PPP2R2C: variants seen among roughly 807,000 people sequenced by gnomAD.
PPP2R2C encodes protein phosphatase 2 regulatory subunit Bgamma, also known as protein phosphatase 2, regulatory subunit B, gamma.
In PPP2R2C, 10 loss-of-function variants were observed where a neutral mutation model predicts 45.3. The observed-to-expected ratio is 0.22, with a 90% confidence interval of 0.14 to 0.37. The LOEUF is 0.37. Ranked by LOEUF, PPP2R2C falls within the 10% of genes least tolerant of loss-of-function variation. The probability of loss-of-function intolerance (pLI) is 1.00; values close to 1 mark genes in which losing one functional copy is unlikely to be tolerated. For synonymous variants in PPP2R2C, 257 were observed against 245.4 expected (o/e 1.05, Z -0.44); for missense variants, 308 against 619.7 (o/e 0.50, Z 5.34).
At position 6,497,592 on chromosome 4, in the gene PPP2R2C, G is replaced by C. The variant is rs546102107; in HGVS notation, c.49+37679C>G. The stretch of plus-strand genomic sequence containing the variant: ...TTGTGCAAGACATTATAGAAAACTT[G>C]TTATTATAACCCTGGGCTAGGATAA... On this transcript the variant is annotated intron_variant, in intron 2 of 9. Transcript: ENST00000506140. Among the ~76,000 whole-genome samples the C allele has an allele frequency of 5.1e-4, 78 of 152,190 alleles. 1 individual carries two copies. The highest frequency in any genetic ancestry group is 2.9e-4 in the Non-Finnish European group (20 of 68,036).
In PPP2R2C at chr4:6,359,624, T is replaced by TAA. The variant is rs34585147; in HGVS notation, c.626-11616_626-11615dup. Among the ~76,000 whole-genome samples, 784 of 144,012 alleles carry TAA rather than the reference T, an allele frequency of 5.4e-3. 5 individuals carry two copies. Among genetic ancestry groups the TAA allele is most frequent in the Non-Finnish European group, 7.9e-3 (521 of 65,978 alleles). 94.5% of individuals were successfully genotyped at this position (144,012 alleles called of 152,430 possible). On this transcript the variant is annotated intron_variant, in intron 5 of 8. Transcript: ENST00000382599. Reference sequence around the variant, plus strand: ...TTATCATTAAAATTTATTTCACCTGTAAAAAAAAAAAAAAGAAACTCCTTC... The same window carrying TAA: ...TTATCATTAAAATTTATTTCACCTGTAAAAAAAAAAAAAAAAGAAACTCCTTC...
At chr4:6,530,296 C>T (rs1724352219) in intron 2 of PPP2R2C, among the ~76,000 whole-genome samples, 1 of 152,140 alleles carries the variant, frequency 6.6e-6, no homozygotes, top group African/African-American at 2.4e-5. Flanking sequence ...AAACCCCACC[C>T]AGGGAGGAGA....
At chr4:6,376,257 T>A (rs942550497) in intron 3 of PPP2R2C, among the ~76,000 whole-genome samples, 5 of 152,080 alleles carry the variant, frequency 3.3e-5, no homozygotes, top group Non-Finnish European at 7.4e-5. Context: ...AATAGCACCA[T>A]GTTGATGAGA....
intron 5 of PPP2R2C, among the ~76,000 whole-genome samples, chr4:6,366,551 A>G (rs1172491965): frequency 6.6e-6 from 1 of 152,210 alleles, no homozygotes; most frequent in African/African-American, 2.4e-5. Context: ...CACAGTAACA[A>G]AACACTCAGT....
chr4:6,393,734 T>C (rs2109337006), intron 1 of PPP2R2C, among the ~76,000 whole-genome samples: 1 of 152,156 alleles, frequency 6.6e-6, no homozygotes, highest in Non-Finnish European at 1.5e-5. Flanking sequence ...GCCCGCCCGA[T>C]GGAGTGTCTG....
intron 1 of PPP2R2C, among the ~76,000 whole-genome samples, chr4:6,460,924 T>G (rs1235810617): frequency 6.6e-6 from 1 of 152,048 alleles, no homozygotes; most frequent in East Asian, 1.9e-4. Flanking sequence ...TGCCTCCCAC[T>G]TCCCATCCCG....
chr4:6,513,657 C>A (rs1478009873), intron 2 of PPP2R2C, among the ~76,000 whole-genome samples: 1 of 152,220 alleles, frequency 6.6e-6, no homozygotes, highest in East Asian at 1.9e-4. Context: ...TGAGGGTGAA[C>A]AAGCCTGGAC....
chr4:6,359,915 C>T (rs1713576175), intron 5 of PPP2R2C, among the ~76,000 whole-genome samples: 1 of 152,222 alleles, frequency 6.6e-6, no homozygotes, highest in Non-Finnish European at 1.5e-5. Context: ...TTGGTTCTGG[C>T]AAGGAGCTCA....
chr4:6,525,353 C>G (rs1299860763), intron 2 of PPP2R2C, among the ~76,000 whole-genome samples: 1 of 152,046 alleles, frequency 6.6e-6, no homozygotes, highest in Admixed American at 6.5e-5. Flanking sequence ...TGCAGTGAGG[C>G]AAGATTGTGC....
At position 6,329,276 on chromosome 4, in the gene PPP2R2C, C is replaced by G; in HGVS notation, c.1038G>C (p.Trp346Cys). The change falls in exon 8 of 9, where the codon TGG becomes TGC. Residue 346 changes from tryptophan (W) to cysteine (C), a missense_variant. By Grantham distance (215) the Trp-to-Cys change is radical (BLOSUM62 -2). Transcript: ENST00000382599. This position sits in a 1 kb window ranked among gnomAD's most constrained non-coding sequence, Gnocchi z 5.8. ...TCAGGGCTTACCTGTCGCTCCCGTT[C>G]CAGGCACATTCAAACTTGTCGAAAA... ...DCIFDKFECAWNGSDSVIMTG... is the reference protein window; with the variant it reads ...DCIFDKFECACNGSDSVIMTG... 6.2e-7 allele frequency: 1 copy of G among 1,614,096 alleles called. No homozygotes were observed. The highest frequency in any genetic ancestry group is 8.5e-7 in the Non-Finnish European group (1 of 1,179,958).
intron 6 of PPP2R2C, 54 bp downstream of exon 6, chr4:6,347,792 C>CA: frequency 4.8e-6 from 4 of 838,960 alleles, no homozygotes; most frequent in Admixed American, 4.4e-5. Flanking sequence ...CAGGACATCC[C>CA]ACCCGCCCGC....
chr4:6,363,067 G>T (rs557854232), intron 5 of PPP2R2C, among the ~76,000 whole-genome samples: 1 of 152,292 alleles, frequency 6.6e-6, no homozygotes, highest in African/African-American at 2.4e-5. Flanking sequence ...GGGGTGGGAG[G>T]TGGAGATGCT....
intron 5 of PPP2R2C, among the ~76,000 whole-genome samples, chr4:6,366,585 C>T (rs917235575): frequency 1.1e-4 from 16 of 152,130 alleles, no homozygotes; most frequent in Admixed American, 8.5e-4. Flanking sequence ...GCCAAGGAGC[C>T]GCAGGCTTAG....
At chr4:6,367,447 C>A (rs964582235) in intron 5 of PPP2R2C, among the ~76,000 whole-genome samples, 2 of 152,094 alleles carry the variant, frequency 1.3e-5, no homozygotes, top group African/African-American at 2.4e-5. Flanking sequence ...TGCGCGGACA[C>A]AGGCCTCCTG....
chr4:6,434,018 C>A (rs1229756909), intron 1 of PPP2R2C, among the ~76,000 whole-genome samples: 2 of 152,228 alleles, frequency 1.3e-5, no homozygotes, highest in African/African-American at 4.8e-5. Context: ...TGTCTAGTGG[C>A]AACCACTATG....
chr4:6,330,311 T>C lies in PPP2R2C; in HGVS notation c.961-958A>G, dbSNP rs1732305219. 6.6e-6 allele frequency among the ~76,000 whole-genome samples: 1 copy of C among 151,928 alleles called. No individual in the cohort carries two copies. Among genetic ancestry groups the C allele is most frequent in the Admixed American group, 6.6e-5 (1 of 15,254 alleles). ...GGAGCCTGGTTTCAACTCCCAGGAG[T>C]TGAAATTAACAACTCCAACGAACAC... On this transcript the variant is annotated intron_variant, in intron 7 of 8. Coordinates refer to ENST00000382599, the MANE Select transcript of PPP2R2C (RefSeq NM_020416.4). This position sits in a 1 kb window ranked among gnomAD's most constrained non-coding sequence, Gnocchi z 7.0.
Position 6,330,293 on chromosome 4 carries a change from G to C in PPP2R2C, c.961-940C>G, listed in dbSNP as rs1732303989. Among the ~76,000 whole-genome samples the C allele has an allele frequency of 6.6e-6, 1 of 152,202 alleles. No homozygotes were observed. The highest frequency in any genetic ancestry group is 1.5e-5 in the Non-Finnish European group (1 of 68,042). The stretch of plus-strand genomic sequence containing the variant: ...AAGGTAACTGGGTGCCATGGAGCCT[G>C]GTTTCAACTCCCAGGAGTTGAAATT... On this transcript the variant is annotated intron_variant, in intron 7 of 8. Coordinates refer to ENST00000382599, the MANE Select transcript of PPP2R2C (RefSeq NM_020416.4). The surrounding 1 kb of genome is among the most constrained non-coding windows in gnomAD (Gnocchi z 7.0).
intron 6 of PPP2R2C, among the ~76,000 whole-genome samples, chr4:6,338,551 G>T (rs766556726): frequency 6.6e-6 from 1 of 152,216 alleles, no homozygotes; most frequent in African/African-American, 2.4e-5. Flanking sequence ...CAGAGCCGAC[G>T]GCACCTCCTT....
Position 6,349,739 on chromosome 4 carries a change from TA to T in PPP2R2C, c.626-1730del, listed in dbSNP as rs112844533. 4.3e-3 allele frequency: 2,342 copies of T among 542,984 alleles called. 49 individuals are homozygous for T. The highest frequency in any genetic ancestry group is 0.038 in the African/African-American group (1,877 of 49,938). 33.6% of individuals were successfully genotyped at this position (542,984 alleles called of 1,614,324 possible). The stretch of plus-strand genomic sequence containing the variant: ...CAACATTGCAAAACCCCATCTCTAC[TA>T]AAAAAAAATTAGTAGTGGCGTATGC... On this transcript the variant is annotated intron_variant, in intron 5 of 8. Transcript: ENST00000382599.
Sources: gnomAD v4.1 joint callset for allele counts (sites outside exome capture counted in the v4.1 genomes callset) on GRCh38, gnomAD v4.1.1 for gene constraint, Gnocchi (gnomAD v3.1) non-coding constraint, MANE v1.5 for transcripts, NCBI Gene and HGNC (gene_info 2026-07-23, HGNC 2026-07-21) for gene names.